IL1RAPL1: variants seen among roughly 807,000 people sequenced by gnomAD.
IL1RAPL1 encodes the protein interleukin 1 receptor accessory protein like 1.
A neutral mutation model predicts 48.4 loss-of-function variants in IL1RAPL1; 3 were observed. The ratio of observed to expected loss-of-function variants is 0.06; its 90% CI spans 0.03 to 0.16. The LOEUF (loss-of-function observed/expected upper bound fraction) is 0.16. IL1RAPL1 is among the 10% of genes least tolerant of loss of function. The pLI is 1.00. For synonymous variants in IL1RAPL1, 185 were observed against 187.7 expected, an observed-to-expected ratio of 0.99 and a Z score of 0.12; for missense variants, 349 against 530.6, an observed-to-expected ratio of 0.66 and a Z score of 3.36.
At chrX:29,440,577 A>G (rs1175928344) in intron 5 of IL1RAPL1, among the ~76,000 whole-genome samples, 1 of 112,143 alleles carries the variant, frequency 8.9e-6, no homozygotes, top group African/African-American at 3.2e-5. Flanking sequence ...TTAGTTCAAG[A>G]TCAAGAAAAA....
At chrX:29,432,152 C>G (rs1211520540) in intron 5 of IL1RAPL1, among the ~76,000 whole-genome samples, 2 of 111,225 alleles carry the variant, frequency 1.8e-5, no homozygotes, top group African/African-American at 6.5e-5. Context: ...CTTAATGTTC[C>G]CCTCAGCTTG....
chrX:29,728,453 T>G, intron 6 of IL1RAPL1, among the ~76,000 whole-genome samples: 1 of 111,946 alleles, frequency 8.9e-6, no homozygotes, highest in Non-Finnish European at 1.9e-5. Context: ...AGGGGTGTTG[T>G]AGACCCCACT....
intron 2 of IL1RAPL1, among the ~76,000 whole-genome samples, chrX:28,894,244 G>A (rs188992321): frequency 8.9e-6 from 1 of 112,221 alleles, no homozygotes; most frequent in African/African-American, 3.2e-5. Flanking sequence ...AAGGCAATGA[G>A]TTCAGCTTGT....
chrX:29,075,031 A>G (rs765365997), intron 2 of IL1RAPL1, among the ~76,000 whole-genome samples: 1 of 112,062 alleles, frequency 8.9e-6, no homozygotes, highest in Non-Finnish European at 1.9e-5. Flanking sequence ...ATTTTAATTA[A>G]TGGCCTTGTT....
chrX:29,625,971 T>C (rs1924604716), intron 5 of IL1RAPL1, among the ~76,000 whole-genome samples: 1 of 111,805 alleles, frequency 8.9e-6, no homozygotes, highest in Non-Finnish European at 1.9e-5. Flanking sequence ...TGCTCAGTAT[T>C]TCACCAGCCC....
intron 5 of IL1RAPL1, among the ~76,000 whole-genome samples, chrX:29,514,612 C>T (rs2081024249): frequency 8.9e-6 from 1 of 112,036 alleles, no homozygotes; most frequent in East Asian, 2.8e-4. Context: ...CCACGCCCGG[C>T]TAATTTTTGT....
intron 2 of IL1RAPL1, among the ~76,000 whole-genome samples, chrX:28,943,609 T>C (rs1333516100): frequency 9.1e-6 from 1 of 109,923 alleles, no homozygotes; most frequent in African/African-American, 3.3e-5. Context: ...TAAAACTCTT[T>C]ATTATTTTAT....
At chrX:28,976,391 AAG>A (rs781705711) in intron 2 of IL1RAPL1, among the ~76,000 whole-genome samples, 1 of 111,669 alleles carries the variant, frequency 9.0e-6, no homozygotes, top group Non-Finnish European at 1.9e-5. Flanking sequence ...AGAATTTCCT[AAG>A]AGAGCATATA....
chrX:29,113,146 T>A (rs1241792433), intron 2 of IL1RAPL1, among the ~76,000 whole-genome samples: 1 of 111,928 alleles, frequency 8.9e-6, no homozygotes, highest in African/African-American at 3.2e-5. Context: ...GTTTAGCAAG[T>A]GATTATATCA....
At chrX:28,894,013 G>T (rs1922841319) in intron 2 of IL1RAPL1, among the ~76,000 whole-genome samples, 1 of 111,959 alleles carries the variant, frequency 8.9e-6, no homozygotes, top group African/African-American at 3.2e-5. Flanking sequence ...TAGAGCAATG[G>T]GATCTGACGC....
intron 5 of IL1RAPL1, among the ~76,000 whole-genome samples, chrX:29,411,767 T>C (rs1934146983): frequency 9.1e-6 from 1 of 109,313 alleles, no homozygotes; most frequent in South Asian, 3.9e-4. Context: ...TTTATAGGCA[T>C]TACTATCTAT....
At chrX:29,700,564 T>G (rs1927023613) in intron 6 of IL1RAPL1, among the ~76,000 whole-genome samples, 1 of 107,821 alleles carries the variant, frequency 9.3e-6, no homozygotes, top group Admixed American at 9.8e-5. Context: ...TTAACTGCTA[T>G]TTAATTGAAG....
At chrX:29,099,430 G>T (rs1029045722) in intron 2 of IL1RAPL1, among the ~76,000 whole-genome samples, 1 of 111,878 alleles carries the variant, frequency 8.9e-6, no homozygotes, top group Non-Finnish European at 1.9e-5. Flanking sequence ...GACAAACAGT[G>T]TACAAAACAC....
intron 1 of IL1RAPL1, among the ~76,000 whole-genome samples, chrX:28,588,319 C>T (rs183573961): frequency 9.1e-6 from 1 of 109,910 alleles, no homozygotes; most frequent in Non-Finnish European, 1.9e-5. Context: ...CAAAGTATCA[C>T]TCTCTCCCCC....
chrX:29,808,012 C>T (rs1372849642), intron 6 of IL1RAPL1, among the ~76,000 whole-genome samples: 1 of 111,840 alleles, frequency 8.9e-6, no homozygotes, highest in African/African-American at 3.2e-5. Flanking sequence ...CACCCTCATA[C>T]ACTGCTAGTC....
intron 6 of IL1RAPL1, among the ~76,000 whole-genome samples, chrX:29,683,114 A>G (rs1304457456): frequency 8.9e-6 from 1 of 112,224 alleles, no homozygotes; most frequent in East Asian, 2.8e-4. Flanking sequence ...TTAGTAAAGT[A>G]GACTCCACAA....
chrX:28,603,043 T>C (rs937339863), intron 1 of IL1RAPL1, among the ~76,000 whole-genome samples: 15 of 111,762 alleles, frequency 1.3e-4, no homozygotes, highest in Non-Finnish European at 2.4e-4. Context: ...TTTGAGACTA[T>C]TGAAAGGTAA....
At chrX:29,484,327 T>C (rs1569321355) in intron 5 of IL1RAPL1, among the ~76,000 whole-genome samples, 1 of 111,550 alleles carries the variant, frequency 9.0e-6, no homozygotes, top group Non-Finnish European at 1.9e-5. Context: ...ATCTTTCTTC[T>C]TCCTATAAAG....
intron 6 of IL1RAPL1, among the ~76,000 whole-genome samples, chrX:29,732,738 G>A (rs149151006): frequency 0.011 from 1,277 of 111,761 alleles, 10 homozygotes; most frequent in South Asian, 0.024. Flanking sequence ...TGTCTCTGTT[G>A]CTGGTCTCAG....
Sources: gnomAD v4.1 joint callset for allele counts (sites outside exome capture counted in the v4.1 genomes callset) on GRCh38, gnomAD v4.1.1 for gene constraint, MANE v1.5 for transcripts, NCBI Gene and HGNC (gene_info 2026-07-23, HGNC 2026-07-21) for gene names.